Variants in MET observed in about 807,000 individuals in gnomAD.
The protein encoded by MET is hepatocyte growth factor receptor.
MET carries 48 observed loss-of-function variants against 133.1 expected under a neutral mutation model. That is an observed-to-expected ratio of 0.36 (90% confidence interval 0.29 to 0.46). The LOEUF (loss-of-function observed/expected upper bound fraction) is 0.46, where lower values mean the gene tolerates loss of function less well. MET is among the 20% of genes least tolerant of loss of function. The probability of loss-of-function intolerance (pLI) is 1.00; values close to 1 mark genes in which losing one functional copy is unlikely to be tolerated. For missense variants in MET, 1,442 were observed against 1,695.9 expected, an observed-to-expected ratio of 0.85 and a Z score of 2.63; for synonymous variants, 628 against 616.5, an observed-to-expected ratio of 1.02 and a Z score of -0.28.
chr7:116,781,100 G>C (rs1203671676), intron 17 of MET, among the ~76,000 whole-genome samples: 1 of 152,098 alleles, frequency 6.6e-6, no homozygotes, highest in Non-Finnish European at 1.5e-5. Context: ...AATCACCCCA[G>C]GGCCCAGTTC....
chr7:116,775,219 G>A lies in MET; in HGVS notation c.3259+108G>A. On this transcript the variant is annotated intron_variant, in intron 15 of 20. Coordinates refer to ENST00000397752, the MANE Select transcript of MET (RefSeq NM_000245.4). ...GACAATGGTGAAAGCAACTGACAGA[G>A]CAGTGATAACAAGTGTACTTGATTT... The A allele has an allele frequency of 5.2e-6, 5 of 957,142 alleles. No individual in the cohort carries two copies. In the South Asian group the frequency reaches 6.8e-5, roughly 13 times the overall value. 59.3% of individuals were successfully genotyped at this position (957,142 alleles called of 1,614,324 possible). A position where few individuals can be genotyped will look rare whatever the true frequency, so the allele number is the denominator to read the frequency against.
At chr7:116,704,269 C>A (rs1374003952) in intron 2 of MET, among the ~76,000 whole-genome samples, 1 of 152,066 alleles carries the variant, frequency 6.6e-6, no homozygotes, top group African/African-American at 2.4e-5. Flanking sequence ...TGGGAGACAG[C>A]ATGGACTAAT....
Position 116,769,761 on chromosome 7 carries a change from G to A in MET, c.2700G>A (p.Leu900=), listed in dbSNP as rs921308683. 1 of 1,613,724 alleles carries A rather than the reference G, an allele frequency of 6.2e-7. No individual in the cohort carries two copies. Among genetic ancestry groups the A allele is most frequent in the Non-Finnish European group, 8.5e-7 (1 of 1,179,810 alleles). The part of the protein sequence containing the change: ...EAVLCTVPND[L]LKLNSELNIE... ...TTTTATGCACGGTCCCCAATGACCT[G>A]CTGAAATTGAACAGCGAGCTAAATA... The change falls in exon 12 of 21, where the codon CTG becomes CTA. Residue 900 remains leucine, a synonymous_variant. Coordinates refer to ENST00000397752, the MANE Select transcript of MET (RefSeq NM_000245.4).
chr7:116,779,423 C>T (rs1034927469), intron 17 of MET, among the ~76,000 whole-genome samples: 1 of 152,192 alleles, frequency 6.6e-6, no homozygotes, highest in African/African-American at 2.4e-5. Context: ...ACACTCTCCC[C>T]GCAAATAGCC....
intron 5 of MET, among the ~76,000 whole-genome samples, chr7:116,746,112 A>G (rs891198886): frequency 6.6e-6 from 1 of 152,206 alleles, no homozygotes; most frequent in Non-Finnish European, 1.5e-5. Flanking sequence ...ATCAACAAGT[A>G]GGCAAAGGAT....
At chr7:116,738,973 G>A (rs1793344728) in intron 3 of MET, among the ~76,000 whole-genome samples, 1 of 152,192 alleles carries the variant, frequency 6.6e-6, no homozygotes, top group African/African-American at 2.4e-5. Context: ...TCAATGCAAT[G>A]TAAAAGGCTA....
At chr7:116,676,922 A>G (rs1320390013) in intron 1 of MET, among the ~76,000 whole-genome samples, 1 of 152,056 alleles carries the variant, frequency 6.6e-6, no homozygotes, top group Non-Finnish European at 1.5e-5. Flanking sequence ...AAAGATGAAG[A>G]TACAGGAGTG....
At chr7:116,716,478 A>AAAGAAAGAAAGAAAGG (rs1792225726) in intron 2 of MET, among the ~76,000 whole-genome samples, 16 of 104,870 alleles carry the variant, frequency 1.5e-4, no homozygotes, top group African/African-American at 6.6e-4. Flanking sequence ...AGAAAGAAAG[A>AAAGAAAGAAAGAAAGG]AAGAAAGAAA....
chr7:116,722,303 C>A (rs986228826), intron 2 of MET, among the ~76,000 whole-genome samples: 1 of 150,924 alleles, frequency 6.6e-6, no homozygotes, highest in South Asian at 2.1e-4. Flanking sequence ...AGGATTGCAA[C>A]CCCTGCCTTT....
chr7:116,726,621 A>G (rs1362156913), intron 2 of MET, among the ~76,000 whole-genome samples: 1 of 152,204 alleles, frequency 6.6e-6, no homozygotes, highest in Non-Finnish European at 1.5e-5. Flanking sequence ...CAGCTGCCAG[A>G]GCAGTGCAAG....
chr7:116,742,419 A>G (rs904031307), intron 5 of MET, among the ~76,000 whole-genome samples: 2 of 152,216 alleles, frequency 1.3e-5, no homozygotes, highest in Non-Finnish European at 2.9e-5. Flanking sequence ...TTATAAACAA[A>G]CAACTTCAGC....
chr7:116,692,013 G>A (rs555859249), intron 1 of MET, among the ~76,000 whole-genome samples: 1 of 152,226 alleles, frequency 6.6e-6, no homozygotes, highest in South Asian at 2.1e-4. Context: ...GTAAAAAGAG[G>A]TATTTATTAA....
chr7:116,796,808 G>A lies in MET; in HGVS notation c.*684G>A, dbSNP rs12540703. ...TAATTTTTGTATTTTTTGTAGAGAC[G>A]GGGTTTTGCCATGTTGCCAAGGCTG... On this transcript the variant is annotated 3_prime_UTR_variant, in exon 21 of 21. Transcript: ENST00000397752. 10,287 of 182,214 alleles carry A rather than the reference G, an allele frequency of 0.056. 386 individuals carry two copies. Among genetic ancestry groups the A allele is most frequent in the South Asian group, 0.11 (565 of 5,112 alleles). The allele number at this position is 182,214 out of a possible 1,614,324, so 11.3% of individuals were successfully genotyped here. A position where few individuals can be genotyped will look rare whatever the true frequency, so the allele number is the denominator to read the frequency against.
At chr7:116,772,098 G>T in intron 14 of MET, 109 bp downstream of exon 14, 1 of 1,255,450 alleles carries the variant, frequency 8.0e-7, no homozygotes, top group Non-Finnish European at 1.1e-6. Context: ...AAAACCTAAA[G>T]GAAGTATTTA....
intron 14 of MET, among the ~76,000 whole-genome samples, chr7:116,774,475 A>G (rs1475879333): frequency 2.0e-5 from 3 of 152,388 alleles, no homozygotes; most frequent in East Asian, 1.9e-4. Context: ...AATTAATTCC[A>G]TTAACAAATA....
chr7:116,782,236 G>A lies in MET; in HGVS notation c.3632+139G>A. 8.4e-6 allele frequency: 6 copies of A among 714,792 alleles called. No individual in the cohort carries two copies. In the South Asian group the frequency reaches 9.0e-5, roughly 11 times the overall value. The allele number at this position is 714,792 out of a possible 1,614,324, so 44.3% of individuals were successfully genotyped here. On this transcript the variant is annotated intron_variant, in intron 18 of 20. Coordinates refer to ENST00000397752, the MANE Select transcript of MET (RefSeq NM_000245.4). Reference sequence around the variant, plus strand: ...TTCTGTTACAATCTTAAATCGATGTGTAAGCCCTGGGGATGTGGGTGGGAC... The same window carrying A: ...TTCTGTTACAATCTTAAATCGATGTATAAGCCCTGGGGATGTGGGTGGGAC...
At chr7:116,743,986 C>G (rs1389811761) in intron 5 of MET, among the ~76,000 whole-genome samples, 2 of 152,162 alleles carry the variant, frequency 1.3e-5, no homozygotes, top group Non-Finnish European at 2.9e-5. Context: ...AAAGCAATAG[C>G]ATTAACATAA....
intron 2 of MET, among the ~76,000 whole-genome samples, chr7:116,710,431 T>G (rs1200472808): frequency 5.3e-5 from 8 of 152,218 alleles, no homozygotes; most frequent in Non-Finnish European, 1.5e-5. Context: ...TGACTAATTC[T>G]GAGATTTTCT....
At chr7:116,679,367 A>G (rs1796270328) in intron 1 of MET, among the ~76,000 whole-genome samples, 1 of 152,252 alleles carries the variant, frequency 6.6e-6, no homozygotes. Context: ...AATATATGAC[A>G]TTTATTGAAA....
Sources: allele counts gnomAD v4.1 joint callset (sites outside exome capture counted in the v4.1 genomes callset), GRCh38; gene constraint gnomAD v4.1.1; transcripts MANE v1.5; gene names NCBI Gene and HGNC (gene_info 2026-07-23, HGNC 2026-07-21).